The following LARGE1 variants were observed in gnomAD, a reference collection of about 807,000 sequenced individuals.
LARGE1 encodes LARGE xylosyl- and glucuronyltransferase 1.
Under a neutral mutation model 87.6 loss-of-function variants are expected in LARGE1, and 43 were observed. That is an observed-to-expected ratio of 0.49 (90% confidence interval 0.38 to 0.63). The LOEUF (loss-of-function observed/expected upper bound fraction) is 0.63, where lower values mean the gene tolerates loss of function less well. Among genes scored for constraint, LARGE1 ranks in the 30% least tolerant of loss-of-function variants. LARGE1 has a pLI of 0.00. For synonymous variants in LARGE1, 434 were observed against 394.6 expected, an observed-to-expected ratio of 1.10 and a Z score of -1.18; for missense variants, 802 against 1,000.2, an observed-to-expected ratio of 0.80 and a Z score of 2.67.
At chr22:33,484,206 C>T (rs1407100268) in intron 6 of LARGE1, among the ~76,000 whole-genome samples, 1 of 152,118 alleles carries the variant, frequency 6.6e-6, no homozygotes, top group African/African-American at 2.4e-5. Flanking sequence ...CTCACTTCAT[C>T]ACACAATCTT....
intron 10 of LARGE1, among the ~76,000 whole-genome samples, chr22:33,319,326 T>C (rs1446191025): frequency 3.3e-5 from 5 of 152,162 alleles, no homozygotes. Flanking sequence ...AGATGAGACA[T>C]CTGGGGCAGA....
At position 33,274,441 on chromosome 22, in the gene LARGE1, C is replaced by T. The variant is rs139853494; in HGVS notation, c.2257G>A (p.Glu753Lys). 1.1e-5 allele frequency: 17 copies of T among 1,614,054 alleles called. No individual in the cohort carries two copies. The highest frequency in any genetic ancestry group is 6.7e-5 in the African/African-American group (5 of 74,932). ...GFAALKYLTAENNS is the reference protein window; with the variant it reads ...GFAALKYLTAKNNS ...GCTTCTTGGTGCTAGCTGTTGTTCT[C>T]GGCTGTGAGATATTTCAGGGCAGCA... The change falls in exon 15 of 15, where the codon GAG becomes AAG. Residue 753 changes from glutamate (E) to lysine (K), a missense_variant. By Grantham distance (56) the Glu-to-Lys change is moderately conservative. This residue lies in a region of LARGE1 where 625 missense variants were observed against 841.9 expected (regional missense o/e 0.74). Transcript: ENST00000397394.
At chr22:33,398,134 C>T (rs2065812058) in intron 7 of LARGE1, among the ~76,000 whole-genome samples, 1 of 152,048 alleles carries the variant, frequency 6.6e-6, no homozygotes, top group African/African-American at 2.4e-5. Context: ...CAGAGACCCC[C>T]TTCTCAAAGC....
At chr22:33,319,726 T>C (rs1457005712) in intron 10 of LARGE1, among the ~76,000 whole-genome samples, 1 of 152,162 alleles carries the variant, frequency 6.6e-6, no homozygotes. Flanking sequence ...CACTGAGATC[T>C]TACTGGTTCT....
chr22:33,206,121 A>G (rs1241710402), intron 11 of LARGE1, among the ~76,000 whole-genome samples: 4 of 151,918 alleles, frequency 2.6e-5, no homozygotes, highest in Non-Finnish European at 5.9e-5. Context: ...CACCCGGCTA[A>G]TTTTTTGTGT....
intron 7 of LARGE1, among the ~76,000 whole-genome samples, chr22:33,392,645 C>G (rs541385672): frequency 6.6e-6 from 1 of 151,874 alleles, no homozygotes; most frequent in Non-Finnish European, 1.5e-5. Context: ...GGCAACACAG[C>G]GAGACTCTGT....
intron 6 of LARGE1, among the ~76,000 whole-genome samples, chr22:33,508,704 T>C (rs889991558): frequency 5.9e-5 from 9 of 152,182 alleles, no homozygotes; most frequent in African/African-American, 2.2e-4. Context: ...AACTTTAATA[T>C]ATACCCCAAC....
intron 11 of LARGE1, among the ~76,000 whole-genome samples, chr22:33,258,365 C>T (rs1343495239): frequency 1.3e-5 from 2 of 152,160 alleles, no homozygotes; most frequent in East Asian, 3.9e-4. Context: ...GATGCTAGAA[C>T]TGAGTGCTGA....
At chr22:33,342,517 G>C (rs530341583) in intron 9 of LARGE1, among the ~76,000 whole-genome samples, 1 of 152,300 alleles carries the variant, frequency 6.6e-6, no homozygotes, top group African/African-American at 2.4e-5. Flanking sequence ...CAACTCTGAA[G>C]CCCAAACCTG....
At chr22:33,233,716 T>C (rs1280600269) in intron 11 of LARGE1, among the ~76,000 whole-genome samples, 1 of 152,154 alleles carries the variant, frequency 6.6e-6, no homozygotes, top group Non-Finnish European at 1.5e-5. Flanking sequence ...TTTCTTTGCA[T>C]TTTAAGGCTG....
chr22:33,654,940 C>T (rs932559854), intron 2 of LARGE1, among the ~76,000 whole-genome samples: 10 of 152,176 alleles, frequency 6.6e-5, no homozygotes, highest in African/African-American at 2.2e-4. Context: ...TAACTCATCA[C>T]TGGAATTAAA....
At chr22:33,398,508 T>A (rs766287472) in intron 7 of LARGE1, among the ~76,000 whole-genome samples, 2 of 152,212 alleles carry the variant, frequency 1.3e-5, no homozygotes, top group Non-Finnish European at 2.9e-5. Flanking sequence ...TGATAATTCC[T>A]GGTCAACCCT....
At chr22:33,724,642 C>A (rs1346990578) in intron 2 of LARGE1, among the ~76,000 whole-genome samples, 1 of 152,234 alleles carries the variant, frequency 6.6e-6, no homozygotes, top group Non-Finnish European at 1.5e-5. Context: ...AAATGGTGAA[C>A]AAAGGCTCTG....
intron 5 of LARGE1, among the ~76,000 whole-genome samples, chr22:33,600,113 T>C (rs762515824): frequency 1.3e-5 from 2 of 152,160 alleles, no homozygotes; most frequent in Non-Finnish European, 2.9e-5. Context: ...TCTACAGTGA[T>C]AAAGAAACGT....
chr22:33,763,150 T>C (rs1190058438), intron 1 of LARGE1, among the ~76,000 whole-genome samples: 5 of 152,162 alleles, frequency 3.3e-5, no homozygotes, highest in African/African-American at 1.2e-4. Flanking sequence ...ACTTAGCATA[T>C]TGCCTGTCAG....
At chr22:33,572,215 C>T (rs2078226716) in intron 5 of LARGE1, 4 of 1,284,492 alleles carry the variant, frequency 3.1e-6, no homozygotes, top group Middle Eastern at 2.2e-4. Flanking sequence ...AAGAAGTCAT[C>T]CCAGCTGCAG....
chr22:33,257,939 C>T (rs1927404673), intron 11 of LARGE1, among the ~76,000 whole-genome samples: 1 of 151,888 alleles, frequency 6.6e-6, no homozygotes, highest in South Asian at 2.1e-4. Flanking sequence ...ATGTGAAATT[C>T]AGCAGTGACC....
chr22:33,073,559 G>A, the LARGE1 span, among the ~76,000 whole-genome samples: 1 of 152,102 alleles, frequency 6.6e-6, no homozygotes, highest in Non-Finnish European at 1.5e-5. Context: ...ATGCTCTAGA[G>A]CCCACCCCTC....
rs1037985858 is a variant in LARGE1 at position 33,520,373 on chromosome 22, G to C, written c.787+44475C>G. The stretch of plus-strand genomic sequence containing the variant: ...TTACAGGCAAGAGCCACTGTGTCTG[G>C]CCTCAGTGCTTCTTAAACCATCCTG... On this transcript the variant is annotated intron_variant, in intron 6 of 14. Transcript: ENST00000397394. Among the ~76,000 whole-genome samples the C allele has an allele frequency of 3.9e-5, 6 of 152,162 alleles. No homozygotes were observed. The East Asian group carries it at 1.2e-3, about 29-fold the overall frequency.
Sources: allele counts gnomAD v4.1 joint callset (sites outside exome capture counted in the v4.1 genomes callset), GRCh38; gene constraint gnomAD v4.1.1; regional missense constraint gnomAD v4.1.1; transcripts MANE v1.5; gene names NCBI Gene and HGNC (gene_info 2026-07-23, HGNC 2026-07-21).